TENM2: variants seen among roughly 807,000 people sequenced by gnomAD.
TENM2 encodes teneurin-2.
A neutral mutation model predicts 245.2 loss-of-function variants in TENM2; 52 were observed. The observed-to-expected ratio is 0.21, with a 90% CI of 0.17 to 0.27. TENM2 has a LOEUF of 0.27. Among genes scored for constraint, TENM2 ranks in the 10% least tolerant of loss-of-function variants. The pLI is 1.00. For missense variants in TENM2, 3,046 were observed against 3,666.8 expected (o/e 0.83, Z 4.37); for synonymous variants, 1,363 against 1,438.9 (o/e 0.95, Z 1.19).
intron 2 of TENM2, among the ~76,000 whole-genome samples, chr5:167,487,867 C>T (rs1482348915): frequency 6.6e-6 from 1 of 152,004 alleles, no homozygotes; most frequent in African/African-American, 2.4e-5. Context: ...GTATATAATG[C>T]AAAATTTAAA....
chr5:167,923,408 C>T (rs566863640), intron 3 of TENM2, among the ~76,000 whole-genome samples: 2 of 152,128 alleles, frequency 1.3e-5, no homozygotes, highest in African/African-American at 4.8e-5. Flanking sequence ...GGTCTACCTG[C>T]CACCTCTGTG....
At chr5:168,034,134 TGTATAC>T (rs1413766902) in intron 5 of TENM2, among the ~76,000 whole-genome samples, 21,350 of 139,086 alleles carry the variant, frequency 0.15, 1,981 homozygotes, top group Admixed American at 0.25. Flanking sequence ...TATATATATA[TGTATAC>T]ATATATATGT....
At chr5:167,219,327 A>ACAAG in the TENM2 span, among the ~76,000 whole-genome samples, 1 of 133,666 alleles carries the variant, frequency 7.5e-6, no homozygotes, top group Non-Finnish European at 1.6e-5. Context: ...AAACAAACAA[A>ACAAG]CAAGCAAAAC....
the TENM2 span, among the ~76,000 whole-genome samples, chr5:166,993,809 A>G: frequency 2.6e-5 from 4 of 152,194 alleles, no homozygotes; most frequent in African/African-American, 7.2e-5. Context: ...TCGGGAGGAT[A>G]TCTGTGGGAA....
chr5:167,723,450 C>G (rs905528492), intron 2 of TENM2, among the ~76,000 whole-genome samples: 2 of 152,170 alleles, frequency 1.3e-5, no homozygotes, highest in African/African-American at 2.4e-5. Flanking sequence ...GCATTCTCAG[C>G]AAAACCGCCA....
At chr5:167,313,587 G>T (rs1023040744) in intron 1 of TENM2, among the ~76,000 whole-genome samples, 1 of 152,076 alleles carries the variant, frequency 6.6e-6, no homozygotes, top group South Asian at 2.1e-4. Context: ...TGTCTATATG[G>T]CCTATAGCAT....
At chr5:167,959,661 G>A (rs1236033408) in intron 4 of TENM2, among the ~76,000 whole-genome samples, 2 of 152,070 alleles carry the variant, frequency 1.3e-5, no homozygotes, top group Non-Finnish European at 2.9e-5. Flanking sequence ...CTTTAGCTTG[G>A]AGGAGTTTGT....
the TENM2 span, among the ~76,000 whole-genome samples, chr5:167,272,624 T>C: frequency 1.6e-4 from 25 of 152,254 alleles, no homozygotes; most frequent in African/African-American, 6.0e-4. Context: ...TTCTAGACTA[T>C]CTTCTTCAAT....
chr5:167,382,522 A>G (rs1252426188), intron 2 of TENM2, among the ~76,000 whole-genome samples: 4 of 152,106 alleles, frequency 2.6e-5, no homozygotes, highest in African/African-American at 9.7e-5. Flanking sequence ...AGTGACTCTC[A>G]CTCCCCATCC....
At chr5:167,733,437 G>C (rs772073221) in intron 2 of TENM2, among the ~76,000 whole-genome samples, 7 of 152,056 alleles carry the variant, frequency 4.6e-5, no homozygotes, top group Non-Finnish European at 8.8e-5. Flanking sequence ...AAATTAAAAA[G>C]AAATACTAAC....
the TENM2 span, among the ~76,000 whole-genome samples, chr5:167,258,872 A>G: frequency 6.6e-6 from 1 of 152,156 alleles, no homozygotes; most frequent in Non-Finnish European, 1.5e-5. Context: ...ACAATGACAA[A>G]AAAAGGGTTT....
chr5:167,750,085 A>ATC (rs1761859165), intron 2 of TENM2, among the ~76,000 whole-genome samples: 1 of 152,112 alleles, frequency 6.6e-6, no homozygotes, highest in African/African-American at 2.4e-5. Context: ...ATGGTTCATT[A>ATC]TCTTCGGGGA....
chr5:167,383,573 C>T (rs1293386042), intron 2 of TENM2, among the ~76,000 whole-genome samples: 2 of 151,946 alleles, frequency 1.3e-5, no homozygotes, highest in Non-Finnish European at 2.9e-5. Flanking sequence ...TTTCGTCTTT[C>T]CCCCAACATC....
upstream of TENM2, among the ~76,000 whole-genome samples, chr5:167,280,804 A>G (rs867837729): frequency 4.2e-5 from 6 of 143,674 alleles, no homozygotes; most frequent in Non-Finnish European, 6.0e-5. Context: ...CTATCTATCT[A>G]TCTGTCATCT....
At chr5:167,213,964 A>G in the TENM2 span, among the ~76,000 whole-genome samples, 1 of 152,186 alleles carries the variant, frequency 6.6e-6, no homozygotes, top group African/African-American at 2.4e-5. Context: ...TTTTACAGGC[A>G]TTGATTATTT....
At position 167,716,811 on chromosome 5, in the gene TENM2, T is replaced by G. The variant is rs191043834; in HGVS notation, c.503-159175T>G. 8.3e-3 allele frequency among the ~76,000 whole-genome samples: 1,267 copies of G among 152,012 alleles called. 14 individuals are homozygous for G. Among genetic ancestry groups the G allele is most frequent in the Middle Eastern group, 0.031 (9 of 294 alleles). On this transcript the variant is annotated intron_variant, in intron 2 of 28. Coordinates refer to ENST00000518659, the Ensembl canonical transcript of TENM2. Reference sequence around the variant, plus strand: ...AGGGAAAAAAAATCAGTTTCAAGTCTTTTTTATAACTTTATTTTCAAGTGA... The same window carrying G: ...AGGGAAAAAAAATCAGTTTCAAGTCGTTTTTATAACTTTATTTTCAAGTGA...
the TENM2 span, among the ~76,000 whole-genome samples, chr5:167,173,494 T>C: frequency 1.3e-5 from 2 of 152,224 alleles, no homozygotes; most frequent in African/African-American, 2.4e-5. Flanking sequence ...ACACAGCTTA[T>C]AATGTCTTTG....
chr5:167,393,136 G>T (rs1761855864), intron 2 of TENM2, among the ~76,000 whole-genome samples: 1 of 145,332 alleles, frequency 6.9e-6, no homozygotes, highest in Non-Finnish European at 1.5e-5. Flanking sequence ...GAAAAAAAAG[G>T]AAAAAAAAAG....
intron 5 of TENM2, among the ~76,000 whole-genome samples, chr5:168,019,295 C>CGCCAA (rs1785936856): frequency 1.3e-5 from 2 of 152,120 alleles, no homozygotes; most frequent in African/African-American, 4.8e-5. Flanking sequence ...ACTCAAAACC[C>CGCCAA]GCCAACAATT....
Sources: gnomAD v4.1 joint callset for allele counts (sites outside exome capture counted in the v4.1 genomes callset) on GRCh38, gnomAD v4.1.1 for gene constraint, MANE v1.5 for transcripts, NCBI Gene and HGNC (gene_info 2026-07-23, HGNC 2026-07-21) for gene names.